EPS8: variants seen among roughly 807,000 people sequenced by gnomAD.
EPS8 encodes the protein epidermal growth factor receptor kinase substrate 8.
A neutral mutation model predicts 103.8 loss-of-function variants in EPS8; 42 were observed. That is an observed-to-expected ratio of 0.40 (90% CI 0.32 to 0.52). The LOEUF (loss-of-function observed/expected upper bound fraction) is 0.52, where lower values mean the gene tolerates loss of function less well. EPS8 is among the 20% of genes least tolerant of loss of function. The pLI is 0.40. For synonymous variants in EPS8, 344 were observed against 344.6 expected, an observed-to-expected ratio of 1.00 and a Z score of 0.02; for missense variants, 969 against 1,005.1, an observed-to-expected ratio of 0.96 and a Z score of 0.49.
Position 15,665,910 on chromosome 12 carries a change from A to C in EPS8, c.600-18T>G. The C allele has an allele frequency of 6.2e-7, 1 of 1,611,838 alleles. No individual in the cohort carries two copies. Among genetic ancestry groups the C allele is most frequent in the Non-Finnish European group, 8.5e-7 (1 of 1,179,028 alleles). ...AAATCATCCTTAAAAAGATGAAAAC[A>C]AATAGAATTTTTACCATCTCTATTT... On this transcript the variant is annotated intron_variant, in intron 7 of 20. Transcript: ENST00000281172.
intron 10 of EPS8, among the ~76,000 whole-genome samples, chr12:15,658,940 T>TTA (rs779479475): frequency 1.1e-4 from 16 of 152,060 alleles, no homozygotes; most frequent in Admixed American, 9.8e-4. Flanking sequence ...GTACCAATCG[T>TTA]TATGAGAAGA....
chr12:15,648,901 A>G (rs2135780969), intron 14 of EPS8, among the ~76,000 whole-genome samples: 1 of 152,328 alleles, frequency 6.6e-6, no homozygotes, highest in East Asian at 1.9e-4. Flanking sequence ...AACAAAAATC[A>G]TCAGATCCTG....
In EPS8 at chr12:15,746,726, C is replaced by T. The variant is rs79257688; in HGVS notation, c.-22+42435G>A. Among the ~76,000 whole-genome samples the T allele has an allele frequency of 2.8e-4, 43 of 152,222 alleles. No homozygotes were observed. The East Asian group carries it at 8.3e-3, about 29-fold the overall frequency. On this transcript the variant is annotated intron_variant, in intron 1 of 20. Transcript: ENST00000281172. ...CAATTTGGTTTCCTTACCTGAAAAG[C>T]AAGTCCTGGATTAGAAGAGCTCTGG...
At chr12:15,632,948 G>A (rs976399288) in intron 17 of EPS8, among the ~76,000 whole-genome samples, 7 of 152,060 alleles carry the variant, frequency 4.6e-5, no homozygotes, top group East Asian at 3.9e-4. Flanking sequence ...AGTGGGAAGC[G>A]TATTATGAAA....
At chr12:15,744,611 A>T (rs1172641562) in intron 1 of EPS8, among the ~76,000 whole-genome samples, 1 of 152,194 alleles carries the variant, frequency 6.6e-6, no homozygotes, top group Non-Finnish European at 1.5e-5. Flanking sequence ...AAGTTGTAAT[A>T]CTTTCCTATT....
At chr12:15,692,159 T>C (rs1356661225) in intron 1 of EPS8, among the ~76,000 whole-genome samples, 2 of 152,164 alleles carry the variant, frequency 1.3e-5, no homozygotes, top group Non-Finnish European at 2.9e-5. Flanking sequence ...ATGCTTTTAC[T>C]TTTTTATTTT....
Position 15,698,280 on chromosome 12 carries a change from T to A in EPS8, c.-21-15308A>T, listed in dbSNP as rs4764221. Among the ~76,000 whole-genome samples, 2,208 of 152,250 alleles carry A rather than the reference T, an allele frequency of 0.015. 147 individuals are homozygous for A. Among genetic ancestry groups the A allele is most frequent in the Admixed American group, 0.11 (1,614 of 15,286 alleles). On this transcript the variant is annotated intron_variant, in intron 1 of 20. Coordinates refer to ENST00000281172, the MANE Select transcript of EPS8 (RefSeq NM_004447.6). The surrounding 1 kb of genome is among the most constrained non-coding windows in gnomAD (Gnocchi z 4.9). ...TATAAGAAAAGACAGAATAAAACAA[T>A]GTTCTAAAAGTAATTTTAAAATCTT... is the stretch of plus-strand genomic sequence containing the variant.
In EPS8 at chr12:15,751,222, G is replaced by A. The variant is rs1474119164; in HGVS notation, c.-22+37939C>T. 2.0e-5 allele frequency among the ~76,000 whole-genome samples: 3 copies of A among 152,078 alleles called. No homozygotes were observed. Among genetic ancestry groups the A allele is most frequent in the Non-Finnish European group, 4.4e-5 (3 of 68,016 alleles). ...AAAATATAAAAATTAGCCACACGTA[G>A]TGGTGTGTGCCTGTAATCCCAGCTA... On this transcript the variant is annotated intron_variant, in intron 1 of 20. Coordinates refer to ENST00000281172, the MANE Select transcript of EPS8 (RefSeq NM_004447.6). The surrounding 1 kb of genome is among the most constrained non-coding windows in gnomAD (Gnocchi z 4.3).
Position 15,784,860 on chromosome 12 carries a change from C to T in EPS8, c.-22+4301G>A, listed in dbSNP as rs1947295030. The stretch of plus-strand genomic sequence containing the variant: ...AATGTGTATTGCTAAATGAAAGAAG[C>T]CAGTCTGGCAAGGCTGTATGATTCC... On this transcript the variant is annotated intron_variant, in intron 1 of 20. Coordinates refer to ENST00000281172, the MANE Select transcript of EPS8 (RefSeq NM_004447.6). The surrounding 1 kb of genome is among the most constrained non-coding windows in gnomAD (Gnocchi z 4.0). Among the ~76,000 whole-genome samples the T allele has an allele frequency of 6.6e-6, 1 of 152,026 alleles. No individual in the cohort carries two copies. Among genetic ancestry groups the T allele is most frequent in the East Asian group, 1.9e-4 (1 of 5,194 alleles).
rs1253875972 is a variant in EPS8, at chr12:15,767,656, C to T, written c.-22+21505G>A. 3.9e-5 allele frequency among the ~76,000 whole-genome samples: 6 copies of T among 152,192 alleles called. No homozygotes were observed. Among genetic ancestry groups the T allele is most frequent in the Non-Finnish European group, 1.5e-5 (1 of 68,034 alleles). ...TTATATTCACCCACCTCTCTCAACA[C>T]TAAATATTTGTTTCAAACTGAGATA... is the stretch of plus-strand genomic sequence containing the variant. On this transcript the variant is annotated intron_variant, in intron 1 of 20. Transcript: ENST00000281172. This position sits in a 1 kb window ranked among gnomAD's most constrained non-coding sequence, Gnocchi z 5.5.
intron 1 of EPS8, among the ~76,000 whole-genome samples, chr12:15,782,535 C>T (rs1279165998): frequency 2.0e-5 from 3 of 151,922 alleles, no homozygotes; most frequent in Non-Finnish European, 4.4e-5. Context: ...ACAATAAAAA[C>T]ACAGACAAAC....
chr12:15,712,507 T>C (rs750448097), intron 1 of EPS8, among the ~76,000 whole-genome samples: 37 of 152,232 alleles, frequency 2.4e-4, no homozygotes, highest in Admixed American at 2.0e-4. Flanking sequence ...ATTATGCCCA[T>C]GGATTCCCAA....
chr12:15,718,014 ATTTCC>A (rs1202156376), intron 1 of EPS8, among the ~76,000 whole-genome samples: 2 of 152,208 alleles, frequency 1.3e-5, no homozygotes, highest in African/African-American at 4.8e-5. Flanking sequence ...GTGATTTCTC[ATTTCC>A]TTTCATGTCC....
chr12:15,749,544 G>A lies in EPS8; in HGVS notation c.-22+39617C>T, dbSNP rs1357585481. Among the ~76,000 whole-genome samples the A allele has an allele frequency of 1.3e-5, 2 of 152,010 alleles. No individual in the cohort carries two copies. Among genetic ancestry groups the A allele is most frequent in the Non-Finnish European group, 2.9e-5 (2 of 68,010 alleles). ...ATAATCTCCTTACAAGAAAACACAC[G>A]CCTTTTGTTTATCTTCTTCACTCTG... On this transcript the variant is annotated intron_variant, in intron 1 of 20. Coordinates refer to ENST00000281172, the MANE Select transcript of EPS8 (RefSeq NM_004447.6). This position sits in a 1 kb window ranked among gnomAD's most constrained non-coding sequence, Gnocchi z 4.0.
Position 15,731,952 on chromosome 12 carries a change from A to T in EPS8, c.-21-48980T>A, listed in dbSNP as rs1050960801. 6.6e-6 allele frequency among the ~76,000 whole-genome samples: 1 copy of T among 152,128 alleles called. No individual in the cohort carries two copies. Among genetic ancestry groups the T allele is most frequent in the East Asian group, 1.9e-4 (1 of 5,190 alleles). ...TTTCAGGATGGAATTTTTTCATTTT[A>T]TCCATAAAAAGGAAACAAACTGAAA... is the stretch of plus-strand genomic sequence containing the variant. On this transcript the variant is annotated intron_variant, in intron 1 of 20. Coordinates refer to ENST00000281172, the MANE Select transcript of EPS8 (RefSeq NM_004447.6). This position sits in a 1 kb window ranked among gnomAD's most constrained non-coding sequence, Gnocchi z 5.1.
intron 1 of EPS8, among the ~76,000 whole-genome samples, chr12:15,756,470 GT>G (rs1565532038): frequency 6.6e-6 from 1 of 151,972 alleles, no homozygotes. Flanking sequence ...GAAAACTATG[GT>G]TTCATATTGG....
intron 14 of EPS8, 133 bp downstream of exon 14, chr12:15,650,690 G>A: frequency 1.3e-6 from 1 of 757,782 alleles, no homozygotes; most frequent in Non-Finnish European, 2.1e-6. Context: ...GGTAATTCAG[G>A]ACAGGGTAAC....
At chr12:15,719,560 C>T (rs536425637) in intron 1 of EPS8, among the ~76,000 whole-genome samples, 4 of 152,164 alleles carry the variant, frequency 2.6e-5, no homozygotes, top group Non-Finnish European at 4.4e-5. Flanking sequence ...AAGCTGAATG[C>T]CACAGTGATA....
At chr12:15,730,398 T>C (rs1259307054) in intron 1 of EPS8, among the ~76,000 whole-genome samples, 1 of 152,192 alleles carries the variant, frequency 6.6e-6, no homozygotes, top group Non-Finnish European at 1.5e-5. Flanking sequence ...AATAAAAGCA[T>C]GACTTTTTTT....
Sources: gnomAD v4.1 joint callset for allele counts (sites outside exome capture counted in the v4.1 genomes callset) on GRCh38, gnomAD v4.1.1 for gene constraint, Gnocchi (gnomAD v3.1) non-coding constraint, MANE v1.5 for transcripts, NCBI Gene and HGNC (gene_info 2026-07-23, HGNC 2026-07-21) for gene names.